The following NXPH1 variants were observed in gnomAD, a reference collection of about 807,000 sequenced individuals.
NXPH1 encodes the protein neurexophilin-1.
NXPH1 carries 5 observed loss-of-function variants against 23.7 expected under a neutral mutation model. That is an observed-to-expected ratio of 0.21 (90% CI 0.11 to 0.44). The LOEUF (loss-of-function observed/expected upper bound fraction) is 0.44, where lower values mean the gene tolerates loss of function less well. Among genes scored for constraint, NXPH1 ranks in the 20% least tolerant of loss-of-function variants. The pLI is 0.99. For synonymous variants in NXPH1, 144 were observed against 122.2 expected (o/e 1.18, Z -1.18); for missense variants, 324 against 321.6 (o/e 1.01, Z -0.06).
At chr7:8,571,489 G>A (rs568357109) in intron 2 of NXPH1, among the ~76,000 whole-genome samples, 2 of 151,808 alleles carry the variant, frequency 1.3e-5, no homozygotes, top group South Asian at 4.1e-4. Context: ...GTAGGACATG[G>A]AAGATCCATA....
chr7:8,697,531 G>A (rs1000819849), intron 2 of NXPH1, among the ~76,000 whole-genome samples: 1 of 152,172 alleles, frequency 6.6e-6, no homozygotes, highest in Non-Finnish European at 1.5e-5. Context: ...GGGGTAAGGA[G>A]AAGAGTATTG....
At chr7:8,731,474 A>G (rs1780152716) in intron 2 of NXPH1, among the ~76,000 whole-genome samples, 1 of 151,938 alleles carries the variant, frequency 6.6e-6, no homozygotes, top group African/African-American at 2.4e-5. Context: ...TTGTGATTTT[A>G]TCTACTTTTG....
At chr7:8,732,265 C>T (rs985415383) in intron 2 of NXPH1, among the ~76,000 whole-genome samples, 8 of 152,178 alleles carry the variant, frequency 5.3e-5, no homozygotes, top group African/African-American at 9.6e-5. Flanking sequence ...GAGATGAACC[C>T]GGTACCTCAG....
intron 2 of NXPH1, among the ~76,000 whole-genome samples, chr7:8,451,177 A>G (rs1294573355): frequency 4.6e-5 from 7 of 150,734 alleles, no homozygotes; most frequent in Non-Finnish European, 8.8e-5. Flanking sequence ...TCCCTTAGGA[A>G]TTAGGGTTTA....
intron 2 of NXPH1, among the ~76,000 whole-genome samples, chr7:8,565,090 C>T (rs545901079): frequency 5.9e-5 from 9 of 151,746 alleles, no homozygotes; most frequent in East Asian, 5.8e-4. Context: ...GCATATAAGA[C>T]GGCACCACAA....
rs190477344 is a variant in NXPH1 at position 8,590,364 on chromosome 7, A to G, written c.54+154597A>G. Reference sequence around the variant, plus strand: ...CCCTAGAGTGATCCTTCTGCTTCCAATCAAGGCTGTATCTAAGCCATATAA... The same window carrying G: ...CCCTAGAGTGATCCTTCTGCTTCCAGTCAAGGCTGTATCTAAGCCATATAA... On this transcript the variant is annotated intron_variant, in intron 2 of 2. Coordinates refer to ENST00000405863, the MANE Select transcript of NXPH1 (RefSeq NM_152745.3). Among the ~76,000 whole-genome samples, 7 of 152,196 alleles carry G rather than the reference A, an allele frequency of 4.6e-5. No homozygotes were observed. The East Asian group carries it at 1.2e-3, about 25-fold the overall frequency.
chr7:8,706,764 G>C (rs1038192887), intron 2 of NXPH1, among the ~76,000 whole-genome samples: 1 of 152,144 alleles, frequency 6.6e-6, no homozygotes, highest in Non-Finnish European at 1.5e-5. Context: ...TGACTAATCT[G>C]ACAGTTGTAG....
At chr7:8,441,521 A>G (rs1263091637) in intron 2 of NXPH1, among the ~76,000 whole-genome samples, 1 of 152,140 alleles carries the variant, frequency 6.6e-6, no homozygotes, top group Non-Finnish European at 1.5e-5. Context: ...GTTCCGTTGT[A>G]AGGATGTCAC....
intron 2 of NXPH1, among the ~76,000 whole-genome samples, chr7:8,709,174 G>A (rs1779748542): frequency 6.6e-6 from 1 of 152,220 alleles, no homozygotes; most frequent in African/African-American, 2.4e-5. Context: ...ACTGTTGATT[G>A]TTGGTTGATC....
intron 2 of NXPH1, among the ~76,000 whole-genome samples, chr7:8,684,640 G>T (rs1190460668): frequency 6.6e-6 from 1 of 152,094 alleles, no homozygotes; most frequent in Admixed American, 6.6e-5. Context: ...GTTTGGAGAG[G>T]TTTTACTTTC....
At chr7:8,448,956 C>T (rs1816456344) in intron 2 of NXPH1, among the ~76,000 whole-genome samples, 2 of 151,998 alleles carry the variant, frequency 1.3e-5, no homozygotes, top group Non-Finnish European at 2.9e-5. Context: ...GTTTTAATTC[C>T]ATGTGGCAAA....
intron 2 of NXPH1, among the ~76,000 whole-genome samples, chr7:8,438,212 C>T (rs1816229522): frequency 6.6e-6 from 1 of 152,188 alleles, no homozygotes; most frequent in Non-Finnish European, 1.5e-5. Context: ...GGGCAATGAA[C>T]CGATCAAGAA....
intron 2 of NXPH1, among the ~76,000 whole-genome samples, chr7:8,519,202 G>A (rs1373346528): frequency 6.6e-6 from 1 of 152,074 alleles, no homozygotes; most frequent in Non-Finnish European, 1.5e-5. Context: ...TATAAGGGAA[G>A]ATTTCCTTAA....
chr7:8,512,794 G>A (rs1817632041), intron 2 of NXPH1, among the ~76,000 whole-genome samples: 1 of 152,114 alleles, frequency 6.6e-6, no homozygotes, highest in African/African-American at 2.4e-5. Context: ...GCTTATGCAT[G>A]TGTAGAAAAG....
At chr7:8,542,114 C>T (rs1818127069) in intron 2 of NXPH1, among the ~76,000 whole-genome samples, 2 of 150,828 alleles carry the variant, frequency 1.3e-5, no homozygotes, top group South Asian at 4.2e-4. Flanking sequence ...TTGGGAGAAA[C>T]ACTTTATCAA....
chr7:8,565,005 T>G (rs1295089661), intron 2 of NXPH1, among the ~76,000 whole-genome samples: 2 of 151,784 alleles, frequency 1.3e-5, no homozygotes, highest in Non-Finnish European at 2.9e-5. Context: ...GTCCCTTAAA[T>G]TTTGGATTAG....
At chr7:8,565,246 T>C (rs1284827789) in intron 2 of NXPH1, among the ~76,000 whole-genome samples, 1 of 151,850 alleles carries the variant, frequency 6.6e-6, no homozygotes, top group African/African-American at 2.4e-5. Context: ...AAATGTGATT[T>C]TGCTGTCATT....
intron 2 of NXPH1, among the ~76,000 whole-genome samples, chr7:8,696,548 G>A (rs1043208242): frequency 7.2e-5 from 11 of 152,192 alleles, no homozygotes; most frequent in Admixed American, 5.2e-4. Flanking sequence ...CTTTTTAAAC[G>A]GACACCTGAA....
intron 2 of NXPH1, among the ~76,000 whole-genome samples, chr7:8,496,449 A>C (rs1466040350): frequency 1.3e-5 from 2 of 152,110 alleles, no homozygotes; most frequent in African/African-American, 4.8e-5. Flanking sequence ...GATTGTGTTC[A>C]TAATTTACAG....
Sources: gnomAD v4.1 joint callset for allele counts (sites outside exome capture counted in the v4.1 genomes callset) on GRCh38, gnomAD v4.1.1 for gene constraint, MANE v1.5 for transcripts, NCBI Gene and HGNC (gene_info 2026-07-23, HGNC 2026-07-21) for gene names.